The following SLC40A1 variants were observed in gnomAD, a reference collection of about 807,000 sequenced individuals.
SLC40A1 encodes ferroportin.
A neutral mutation model predicts 53.5 loss-of-function variants in SLC40A1; 16 were observed. The ratio of observed to expected loss-of-function variants is 0.30; its 90% CI spans 0.20 to 0.45. The LOEUF is 0.45. Ranked by LOEUF, SLC40A1 falls within the 20% of genes least tolerant of loss-of-function variation. SLC40A1 has a pLI of 1.00. For missense variants in SLC40A1, 545 were observed against 695.4 expected, an observed-to-expected ratio of 0.78 and a Z score of 2.43; for synonymous variants, 247 against 253.2, an observed-to-expected ratio of 0.98 and a Z score of 0.23.
intron 5 of SLC40A1, among the ~76,000 whole-genome samples, chr2:189,566,043 T>C (rs912174587): frequency 3.3e-5 from 5 of 150,122 alleles, no homozygotes; most frequent in Admixed American, 2.0e-4. Context: ...TGTGTGTGCG[T>C]GTGTGTGTGT....
chr2:189,576,196 A>T (rs929713041), intron 2 of SLC40A1, among the ~76,000 whole-genome samples: 6 of 152,158 alleles, frequency 3.9e-5, no homozygotes, highest in African/African-American at 1.4e-4. Flanking sequence ...TGACTTCTGA[A>T]ATTAACATTA....
intron 5 of SLC40A1, among the ~76,000 whole-genome samples, chr2:189,569,837 A>G (rs2031065178): frequency 2.0e-5 from 3 of 152,176 alleles, no homozygotes; most frequent in Admixed American, 1.3e-4. Flanking sequence ...GCAATAATTC[A>G]TAATATAAAG....
In SLC40A1 at chr2:189,560,962, TAAATC is replaced by T. The variant is rs2030718871; in HGVS notation, c.*911_*915del. 1 of 152,250 alleles carries T rather than the reference TAAATC, an allele frequency of 6.6e-6. No individual in the cohort carries two copies. Among genetic ancestry groups the T allele is most frequent in the Non-Finnish European group, 1.5e-5 (1 of 68,036 alleles). 9.4% of individuals were successfully genotyped at this position (152,250 alleles called of 1,614,324 possible). A position where few individuals can be genotyped will look rare whatever the true frequency, so the allele number is the denominator to read the frequency against. ...ATAAAAATATTCTACCTGAGTGTGT[TAAATC>T]AAGTGATTTGTAAAACAAAACCTTC... is the stretch of plus-strand genomic sequence containing the variant. On this transcript the variant is annotated 3_prime_UTR_variant, in exon 8 of 8. Transcript: ENST00000261024.
chr2:189,576,728 C>T (rs996425), intron 2 of SLC40A1, among the ~76,000 whole-genome samples: 37,849 of 152,058 alleles, frequency 0.25, 4,910 homozygotes, highest in African/African-American at 0.29. Context: ...AAGACAAAAA[C>T]ACACACATGT....
rs1313386639 is a variant in SLC40A1, at chr2:189,580,704, T to C, written c.-244A>G. The stretch of plus-strand genomic sequence containing the variant: ...AGCTGAAGTTGGAAAGGCAAAGCCT[T>C]ATGGAAGCGGTTTGGGAGGCTCAGC... On this transcript the variant is annotated 5_prime_UTR_variant, in exon 1 of 8. The change creates a new upstream start codon in the 5' untranslated region. Coordinates refer to ENST00000261024, the MANE Select transcript of SLC40A1 (RefSeq NM_014585.6). The C allele has an allele frequency of 1.4e-5, 20 of 1,431,428 alleles. No individual in the cohort carries two copies. The highest frequency in any genetic ancestry group is 1.8e-5 in the Non-Finnish European group (20 of 1,092,834). 88.7% of individuals were successfully genotyped at this position (1,431,428 alleles called of 1,614,324 possible). A position where few individuals can be genotyped will look rare whatever the true frequency, so the allele number is the denominator to read the frequency against.
At chr2:189,576,133 A>G (rs2031278688) in intron 2 of SLC40A1, among the ~76,000 whole-genome samples, 1 of 152,214 alleles carries the variant, frequency 6.6e-6, no homozygotes, top group Admixed American at 6.5e-5. Context: ...AGGCAAATTA[A>G]TGTCTTAAAA....
chr2:189,563,786 C>G lies in SLC40A1; in HGVS notation c.1200G>C (p.Leu400Phe). ...GGATATCTTCAAAAGGAGAAACGGA[C>G]AAGTCCAGGGGGCTTCCAGGCATGA... ...SVFMPGSPLD[L>F]SVSPFEDIRS... is the part of the protein sequence containing the mutation. The change falls in exon 7 of 8, where the codon TTG becomes TTC. Residue 400 changes from leucine (L) to phenylalanine (F), a missense_variant. This residue lies in a region of SLC40A1 where 234 missense variants were observed against 299.0 expected (regional missense o/e 0.78). Coordinates refer to ENST00000261024, the MANE Select transcript of SLC40A1 (RefSeq NM_014585.6). 6.2e-7 allele frequency: 1 copy of G among 1,614,196 alleles called. No individual in the cohort carries two copies.
intron 2 of SLC40A1, among the ~76,000 whole-genome samples, chr2:189,577,028 A>G (rs1322794697): frequency 2.0e-5 from 3 of 152,204 alleles, no homozygotes; most frequent in African/African-American, 7.2e-5. Context: ...TATGTTTACA[A>G]AAAGCCCAAT....
At chr2:189,578,137 T>C (rs769707873) in intron 2 of SLC40A1, 10 of 873,364 alleles carry the variant, frequency 1.1e-5, no homozygotes, top group Middle Eastern at 5.7e-4. Flanking sequence ...CACACACACA[T>C]AATACAGAAA....
At chr2:189,575,137 G>T (rs746966423) in intron 3 of SLC40A1, 24 bp downstream of exon 3, 2 of 1,613,294 alleles carry the variant, frequency 1.2e-6, no homozygotes, top group Non-Finnish European at 1.7e-6. Flanking sequence ...GAATAAAAGG[G>T]CTTAATTATA....
intron 3 of SLC40A1, 56 bp downstream of exon 3, chr2:189,575,105 G>A: frequency 1.9e-6 from 3 of 1,579,952 alleles, no homozygotes; most frequent in Non-Finnish European, 1.7e-6. Context: ...TGCTACAGAG[G>A]TAGCTCAGGC....
Position 189,564,098 on chromosome 2 carries a change from T to A in SLC40A1, c.888A>T (p.Arg296=). 6.2e-7 allele frequency: 1 copy of A among 1,610,772 alleles called. No homozygotes were observed. Reference sequence around the variant, plus strand: ...GGTTGTAGTAGGAGACCCATCCATCTCGGAAGGTACGGAAGGGCTCAGCCA... The same window carrying A: ...GGTTGTAGTAGGAGACCCATCCATCACGGAAGGTACGGAAGGGCTCAGCCA... ...SQMAEPFRTF[R]DGWVSYYNQP... is the part of the protein sequence containing the mutation. The change falls in exon 7 of 8, where the codon CGA becomes CGT. Residue 296 remains arginine (R), a synonymous_variant. Transcript: ENST00000261024.
chr2:189,565,165 T>G (rs547771936), intron 6 of SLC40A1, among the ~76,000 whole-genome samples, 189 bp downstream of exon 6: 1 of 152,326 alleles, frequency 6.6e-6, no homozygotes, highest in African/African-American at 2.4e-5. Context: ...CCCCACCAGA[T>G]TCAACCCGGA....
At chr2:189,573,007 A>C in intron 3 of SLC40A1, 46 bp from the exon 4 acceptor site, 1 of 1,248,328 alleles carries the variant, frequency 8.0e-7, no homozygotes, top group Non-Finnish European at 1.2e-6. Context: ...AAAATGTCTC[A>C]GTGAGACTGT....
chr2:189,573,933 C>A (rs2031211422), intron 3 of SLC40A1, among the ~76,000 whole-genome samples: 1 of 152,078 alleles, frequency 6.6e-6, no homozygotes, highest in Non-Finnish European at 1.5e-5. Context: ...CAGATGTCAA[C>A]TAAATAAGGT....
intron 4 of SLC40A1, among the ~76,000 whole-genome samples, chr2:189,572,085 TAGTC>T (rs1419170614): frequency 6.6e-6 from 1 of 152,176 alleles, no homozygotes; most frequent in Non-Finnish European, 1.5e-5. Flanking sequence ...AAAATTATAA[TAGTC>T]AGGTGAATAC....
At chr2:189,562,376 G>A (rs763717438) in intron 7 of SLC40A1, among the ~76,000 whole-genome samples, 185 bp from the exon 8 acceptor site, 33 of 151,934 alleles carry the variant, frequency 2.2e-4, no homozygotes, top group Non-Finnish European at 4.0e-4. Flanking sequence ...GGTTATTAGT[G>A]GCCTCAATAA....
chr2:189,578,287 A>G (rs1000617482), intron 2 of SLC40A1: 7 of 1,001,854 alleles, frequency 7.0e-6, no homozygotes, highest in Middle Eastern at 2.8e-4. Context: ...ACTAAACCTT[A>G]TATGATTGTA....
chr2:189,572,061 G>C (rs1271724260), intron 4 of SLC40A1, among the ~76,000 whole-genome samples: 2 of 151,388 alleles, frequency 1.3e-5, no homozygotes, highest in African/African-American at 4.8e-5. Context: ...ATCATCTGTA[G>C]TACACATAAT....
Sources: allele counts gnomAD v4.1 joint callset (sites outside exome capture counted in the v4.1 genomes callset), GRCh38; gene constraint gnomAD v4.1.1; regional missense constraint gnomAD v4.1.1; transcripts MANE v1.5; gene names NCBI Gene and HGNC (gene_info 2026-07-23, HGNC 2026-07-21).